Variants in TBXAS1 observed in about 807,000 individuals in gnomAD.
TBXAS1 encodes thromboxane A synthase 1.
TBXAS1 carries 48 observed loss-of-function variants against 60.7 expected under a neutral mutation model. The observed-to-expected ratio is 0.79, with a 90% confidence interval of 0.63 to 1.01. The LOEUF is 1.01. Among genes scored for constraint, TBXAS1 ranks in the 50% least tolerant of loss-of-function variants. The pLI, the probability that TBXAS1 is intolerant of heterozygous loss-of-function variation, is 0.00. For missense variants in TBXAS1, 685 were observed against 686.3 expected (o/e 1.00, Z 0.02); for synonymous variants, 287 against 269.7 (o/e 1.06, Z -0.63).
At chr7:139,837,653 AC>A (rs1173818083) in intron 1 of TBXAS1, among the ~76,000 whole-genome samples, 1 of 152,146 alleles carries the variant, frequency 6.6e-6, no homozygotes, top group Non-Finnish European at 1.5e-5. Flanking sequence ...GACTTTGGGG[AC>A]TTGGAGGGAA....
chr7:140,018,375 TG>T lies in TBXAS1; in HGVS notation c.1527+543del, dbSNP rs530382144. Among the ~76,000 whole-genome samples, 403 of 152,230 alleles carry T rather than the reference TG, an allele frequency of 2.6e-3. 1 individual carries two copies. Among genetic ancestry groups the T allele is most frequent in the African/African-American group, 9.4e-3 (389 of 41,546 alleles). On this transcript the variant is annotated intron_variant, in intron 12 of 12. Transcript: ENST00000448866. ...TACCCCCAGCTTTGCCTTCCCCCCT[TG>T]TGCAGACACTCACGTGTCCCCATGG...
chr7:139,968,791 A>G (rs904571242), intron 9 of TBXAS1, among the ~76,000 whole-genome samples: 4 of 152,198 alleles, frequency 2.6e-5, no homozygotes, highest in African/African-American at 7.2e-5. Context: ...GCCTTGGTCT[A>G]TGGAAAAGGA....
chr7:139,932,124 ACC>A lies in TBXAS1; in HGVS notation c.334-4066_334-4065del. Among the ~76,000 whole-genome samples, 3 of 146,952 alleles carry A rather than the reference ACC, an allele frequency of 2.0e-5. No individual in the cohort carries two copies. The South Asian group carries it at 6.5e-4, about 32-fold the overall frequency. On this transcript the variant is annotated intron_variant, in intron 4 of 12. Coordinates refer to ENST00000448866, the MANE Select transcript of TBXAS1 (RefSeq NM_001061.7). ...GGAGCTTGCAGTGATCCAAGATCGC[ACC>A]ATTGCACTCCAGCCTGGGCAACAGA...
chr7:139,891,859 AC>A (rs373802712), intron 3 of TBXAS1, among the ~76,000 whole-genome samples: 35 of 152,330 alleles, frequency 2.3e-4, no homozygotes, highest in African/African-American at 7.5e-4. Context: ...GTACTATTTT[AC>A]TGGAGACAAA....
intron 4 of TBXAS1, among the ~76,000 whole-genome samples, chr7:139,928,806 C>A (rs933146729): frequency 6.6e-6 from 1 of 152,220 alleles, no homozygotes; most frequent in African/African-American, 2.4e-5. Flanking sequence ...GTAAACATTA[C>A]TTCTCAGTGA....
intron 2 of TBXAS1, among the ~76,000 whole-genome samples, chr7:139,781,891 A>G (rs1299091255): frequency 1.3e-5 from 2 of 151,658 alleles, no homozygotes; most frequent in Non-Finnish European, 2.9e-5. Flanking sequence ...ATTTAGCAAC[A>G]AGAGTTGCAT....
At chr7:139,983,174 T>A (rs913826475) in intron 9 of TBXAS1, among the ~76,000 whole-genome samples, 1 of 152,208 alleles carries the variant, frequency 6.6e-6, no homozygotes, top group Admixed American at 6.5e-5. Flanking sequence ...CAAATTGTCT[T>A]GGTACGCACC....
At chr7:139,995,526 G>A (rs1813226698) in intron 9 of TBXAS1, among the ~76,000 whole-genome samples, 1 of 152,186 alleles carries the variant, frequency 6.6e-6, no homozygotes, top group Non-Finnish European at 1.5e-5. Flanking sequence ...CGGTCCAGAG[G>A]TGGAGGGCAC....
At chr7:139,901,448 TATG>T (rs1350608980) in intron 3 of TBXAS1, among the ~76,000 whole-genome samples, 2 of 151,096 alleles carry the variant, frequency 1.3e-5, no homozygotes, top group African/African-American at 5.0e-5. Flanking sequence ...GTAAGATTAT[TATG>T]ATAACTAAAT....
At chr7:139,858,439 A>G (rs967329549) in intron 1 of TBXAS1, among the ~76,000 whole-genome samples, 1 of 152,240 alleles carries the variant, frequency 6.6e-6, no homozygotes, top group African/African-American at 2.4e-5. Flanking sequence ...TGATCAAAAT[A>G]GAAAGCATGT....
chr7:139,986,797 GTGTA>G (rs1398298562), intron 9 of TBXAS1, among the ~76,000 whole-genome samples: 13 of 40,270 alleles, frequency 3.2e-4, no homozygotes, highest in African/African-American at 5.4e-4. Context: ...GTGTGTGTGT[GTGTA>G]TATATATATA....
At chr7:139,870,648 A>G (rs182828124) in intron 1 of TBXAS1, among the ~76,000 whole-genome samples, 37 of 152,332 alleles carry the variant, frequency 2.4e-4, no homozygotes, top group Non-Finnish European at 4.3e-4. Flanking sequence ...TTGTAATCAC[A>G]CTTGAACATG....
chr7:139,871,194 TCAAAGAGTATAG>T (rs1467673650), intron 1 of TBXAS1, among the ~76,000 whole-genome samples: 1 of 152,208 alleles, frequency 6.6e-6, no homozygotes, highest in African/African-American at 2.4e-5. Context: ...GTGGGAAAGA[TCAAAGAGTATAG>T]CAAATACTCT....
chr7:139,805,637 C>T (rs1585531300), intron 4 of TBXAS1, among the ~76,000 whole-genome samples: 1 of 137,850 alleles, frequency 7.3e-6, no homozygotes, highest in Admixed American at 7.2e-5. Flanking sequence ...TTCCTTCCCT[C>T]CCTCCCTCCC....
At chr7:139,924,968 A>T (rs1483034708) in intron 4 of TBXAS1, among the ~76,000 whole-genome samples, 1 of 152,028 alleles carries the variant, frequency 6.6e-6, no homozygotes, top group Non-Finnish European at 1.5e-5. Flanking sequence ...TTCACTGTAG[A>T]TGTATAGATT....
At chr7:139,834,290 A>G (rs994668593) in intron 1 of TBXAS1, among the ~76,000 whole-genome samples, 1 of 152,218 alleles carries the variant, frequency 6.6e-6, no homozygotes, top group Non-Finnish European at 1.5e-5. Context: ...AAACCTATCA[A>G]AACCTCTGGG....
chr7:140,005,827 T>C lies in TBXAS1; in HGVS notation c.1135-1264T>C, dbSNP rs537396537. On this transcript the variant is annotated intron_variant, in intron 9 of 12. Coordinates refer to ENST00000448866, the MANE Select transcript of TBXAS1 (RefSeq NM_001061.7). ...CATAGATTAGCTACGATACTGGCTATGGACTTCAAGACTCCATGTGTCCTG... is the reference window on the plus strand; with the variant it reads ...CATAGATTAGCTACGATACTGGCTACGGACTTCAAGACTCCATGTGTCCTG... 2.6e-5 allele frequency among the ~76,000 whole-genome samples: 4 copies of C among 152,348 alleles called. 1 individual carries two copies. In the South Asian group the frequency reaches 6.2e-4, roughly 24 times the overall value.
chr7:139,956,915 A>C (rs1271459729), intron 7 of TBXAS1, among the ~76,000 whole-genome samples: 1 of 152,260 alleles, frequency 6.6e-6, no homozygotes, highest in East Asian at 1.9e-4. Flanking sequence ...TTCTGAGAGC[A>C]TGTGTGTCTG....
In TBXAS1 at chr7:139,907,574, G is replaced by A. The variant is rs564226046; in HGVS notation, c.237-3651G>A. ...CCTCTTTTATCTTCTGGAAGATATT[G>A]TAAAATTAGTGTTAATTCTTCTTTT... On this transcript the variant is annotated intron_variant, in intron 3 of 12. Transcript: ENST00000448866. 3.9e-5 allele frequency among the ~76,000 whole-genome samples: 6 copies of A among 152,066 alleles called. No individual in the cohort carries two copies. In the East Asian group the frequency reaches 5.8e-4, roughly 15 times the overall value.
Sources: allele counts gnomAD v4.1 joint callset (sites outside exome capture counted in the v4.1 genomes callset), GRCh38; gene constraint gnomAD v4.1.1; transcripts MANE v1.5; gene names NCBI Gene and HGNC (gene_info 2026-07-23, HGNC 2026-07-21).